The following TMTC1 variants were observed in gnomAD, a reference collection of about 807,000 sequenced individuals.
The protein encoded by TMTC1 is protein O-mannosyl-transferase TMTC1.
A neutral mutation model predicts 104.8 loss-of-function variants in TMTC1; 73 were observed. That is an observed-to-expected ratio of 0.70 (90% CI 0.58 to 0.85). TMTC1 has a LOEUF of 0.85. Ranked by LOEUF, TMTC1 falls within the 40% of genes least tolerant of loss-of-function variation. The pLI is 0.00. For synonymous variants in TMTC1, 434 were observed against 428.7 expected (o/e 1.01, Z -0.15); for missense variants, 1,035 against 1,096.1 (o/e 0.94, Z 0.79).
chr12:29,658,145 G>T (rs1939846562), intron 5 of TMTC1, among the ~76,000 whole-genome samples: 1 of 151,814 alleles, frequency 6.6e-6, no homozygotes, highest in Non-Finnish European at 1.5e-5. Context: ...ACAATCTGTT[G>T]TCCCTAAGAG....
intron 6 of TMTC1, chr12:29,610,060 C>A (rs1367837426): frequency 1.3e-5 from 2 of 152,296 alleles, no homozygotes; most frequent in Non-Finnish European, 2.9e-5. Context: ...TTCTCTAATA[C>A]TACCCACATC....
chr12:29,686,953 C>A lies in TMTC1; in HGVS notation c.939-53617G>T, dbSNP rs548201071. 3.9e-5 allele frequency among the ~76,000 whole-genome samples: 6 copies of A among 151,974 alleles called. No homozygotes were observed. In the South Asian group the frequency reaches 1.0e-3, roughly 26 times the overall value. On this transcript the variant is annotated intron_variant, in intron 5 of 17. Transcript: ENST00000539277. ...ATTGGAATCAGAATATGGATTATAG[C>A]ATGTTTTAATACATATGAGTCTATT... is the stretch of plus-strand genomic sequence containing the variant.
intron 16 of TMTC1, among the ~76,000 whole-genome samples, chr12:29,513,920 G>C (rs893691259): frequency 1.3e-5 from 2 of 152,136 alleles, no homozygotes; most frequent in East Asian, 3.9e-4. Context: ...TTAGGGGACG[G>C]ACCTAATAAT....
intron 2 of TMTC1, among the ~76,000 whole-genome samples, chr12:29,766,375 T>A (rs1943464034): frequency 6.6e-6 from 1 of 152,126 alleles, no homozygotes; most frequent in Non-Finnish European, 1.5e-5. Flanking sequence ...CTATTATGCA[T>A]CCCCATGACA....
chr12:29,602,665 A>C (rs1487916733), intron 7 of TMTC1, among the ~76,000 whole-genome samples: 1 of 152,218 alleles, frequency 6.6e-6, no homozygotes, highest in Non-Finnish European at 1.5e-5. Context: ...AAATATAATA[A>C]AAATGCAATA....
intron 5 of TMTC1, among the ~76,000 whole-genome samples, chr12:29,678,776 G>A (rs2136706531): frequency 6.6e-6 from 1 of 152,044 alleles, no homozygotes; most frequent in East Asian, 1.9e-4. Flanking sequence ...AGCAACATTA[G>A]TGTCTCAGTA....
chr12:29,699,798 C>T (rs1565778532), intron 5 of TMTC1, among the ~76,000 whole-genome samples: 1 of 151,588 alleles, frequency 6.6e-6, no homozygotes, highest in South Asian at 2.1e-4. Context: ...CACCAACAAG[C>T]CCAGCTAATT....
intron 5 of TMTC1, chr12:29,641,339 T>G (rs1456557444): frequency 6.6e-6 from 1 of 152,274 alleles, no homozygotes; most frequent in Non-Finnish European, 1.5e-5. Flanking sequence ...TGGAGTCCAT[T>G]GCACACCCCA....
At chr12:29,595,726 A>G (rs1946388909) in intron 7 of TMTC1, among the ~76,000 whole-genome samples, 1 of 152,216 alleles carries the variant, frequency 6.6e-6, no homozygotes, top group African/African-American at 2.4e-5. Flanking sequence ...ATCTTATCCC[A>G]TAGTATTCTG....
chr12:29,546,492 C>T (rs1944945939), intron 10 of TMTC1, among the ~76,000 whole-genome samples: 1 of 152,124 alleles, frequency 6.6e-6, no homozygotes, highest in South Asian at 2.1e-4. Flanking sequence ...ACCCTGCAGG[C>T]CACAGACAGG....
chr12:29,772,137 C>T (rs1303299693), intron 1 of TMTC1, among the ~76,000 whole-genome samples: 5 of 152,186 alleles, frequency 3.3e-5, no homozygotes, highest in African/African-American at 4.8e-5. Context: ...TACTTTCATA[C>T]TTCTTTTTTA....
intron 16 of TMTC1, among the ~76,000 whole-genome samples, chr12:29,512,548 A>G (rs1943868969): frequency 2.0e-5 from 3 of 152,194 alleles, no homozygotes; most frequent in Admixed American, 1.3e-4. Context: ...ATCCCCTTTT[A>G]CAATATAACT....
chr12:29,548,838 T>A (rs56314308), intron 10 of TMTC1, among the ~76,000 whole-genome samples: 6 of 512 alleles, frequency 0.012, no homozygotes, highest in East Asian at 0.056. Context: ...ATTATATCAC[T>A]TATCTAAAAT....
chr12:29,548,293 T>C (rs1293870419), intron 10 of TMTC1, among the ~76,000 whole-genome samples: 1 of 152,170 alleles, frequency 6.6e-6, no homozygotes, highest in Non-Finnish European at 1.5e-5. Context: ...ATGGAGCAAA[T>C]GAATCTTTCC....
At chr12:29,568,803 T>C (rs1592245786) in intron 9 of TMTC1, 1 of 402,848 alleles carries the variant, frequency 2.5e-6, no homozygotes, top group East Asian at 7.2e-5. Flanking sequence ...TCTTGGGAGT[T>C]TTTGTGTAGG....
intron 5 of TMTC1, among the ~76,000 whole-genome samples, chr12:29,638,281 A>G (rs7965045): frequency 1 from 151,964 of 152,092 alleles, 75,920 homozygotes; most frequent in Middle Eastern, 1. Flanking sequence ...GAGGAGCAGA[A>G]GAGCTGAAGA....
chr12:29,571,858 T>C (rs780782759), intron 9 of TMTC1, among the ~76,000 whole-genome samples: 4 of 152,192 alleles, frequency 2.6e-5, no homozygotes, highest in Admixed American at 1.3e-4. Context: ...CATCGTGTAA[T>C]GTATAGCAAT....
chr12:29,674,047 C>A (rs1940628919), intron 5 of TMTC1, among the ~76,000 whole-genome samples: 1 of 151,564 alleles, frequency 6.6e-6, no homozygotes, highest in East Asian at 2.0e-4. Context: ...GTGTGAGCCA[C>A]CACGCCCAGC....
intron 5 of TMTC1, among the ~76,000 whole-genome samples, chr12:29,694,693 A>T (rs1941364249): frequency 1.3e-5 from 2 of 152,146 alleles, no homozygotes; most frequent in African/African-American, 4.8e-5. Flanking sequence ...TAATCCCAGT[A>T]CTTTGGGAGG....
Sources: gnomAD v4.1 joint callset for allele counts (sites outside exome capture counted in the v4.1 genomes callset) on GRCh38, gnomAD v4.1.1 for gene constraint, MANE v1.5 for transcripts, NCBI Gene and HGNC (gene_info 2026-07-23, HGNC 2026-07-21) for gene names.